KHDRBS2: variants seen among roughly 807,000 people sequenced by gnomAD.
The protein encoded by KHDRBS2 is KH domain-containing, RNA-binding, signal transduction-associated protein 2.
Under a neutral mutation model 44.3 loss-of-function variants are expected in KHDRBS2, and 26 were observed. That is an observed-to-expected ratio of 0.59 (90% CI 0.43 to 0.81). KHDRBS2 has a LOEUF of 0.81. KHDRBS2 is among the 40% of genes least tolerant of loss of function. The pLI, the probability that KHDRBS2 is intolerant of heterozygous loss-of-function variation, is 0.00. For missense variants in KHDRBS2, 476 were observed against 433.1 expected, an observed-to-expected ratio of 1.10 and a Z score of -0.88; for synonymous variants, 194 against 151.1, an observed-to-expected ratio of 1.28 and a Z score of -2.08.
chr6:61,709,549 T>C (rs1244248453), intron 7 of KHDRBS2, among the ~76,000 whole-genome samples: 1 of 151,756 alleles, frequency 6.6e-6, no homozygotes, highest in Admixed American at 6.6e-5. Flanking sequence ...TCTCCCTTTA[T>C]AAACACTCTT....
intron 2 of KHDRBS2, among the ~76,000 whole-genome samples, chr6:62,137,202 C>A (rs563322264): frequency 6.6e-6 from 1 of 151,888 alleles, no homozygotes; most frequent in East Asian, 1.9e-4. Flanking sequence ...GGGGTTTCAC[C>A]GTGTTAGCCA....
intron 6 of KHDRBS2, among the ~76,000 whole-genome samples, chr6:61,796,424 T>G (rs1318341356): frequency 6.6e-6 from 1 of 152,004 alleles, no homozygotes; most frequent in Non-Finnish European, 1.5e-5. Flanking sequence ...TATTCAAAAA[T>G]ATTAACAGAA....
chr6:61,968,139 TG>T (rs1770539309), intron 4 of KHDRBS2, among the ~76,000 whole-genome samples: 1 of 151,854 alleles, frequency 6.6e-6, no homozygotes, highest in Admixed American at 6.6e-5. Flanking sequence ...GAATAACCAA[TG>T]ATATATACAC....
chr6:61,882,983 G>A (rs1800411678), intron 6 of KHDRBS2, among the ~76,000 whole-genome samples: 1 of 151,958 alleles, frequency 6.6e-6, no homozygotes, highest in African/African-American at 2.4e-5. Flanking sequence ...GATATGATTT[G>A]TAACCCAATA....
the KHDRBS2 span, among the ~76,000 whole-genome samples, chr6:61,642,279 T>C: frequency 6.6e-6 from 1 of 152,154 alleles, no homozygotes; most frequent in Non-Finnish European, 1.5e-5. Context: ...CCTATTACCT[T>C]TGTCTTATAC....
At chr6:62,096,477 C>T (rs1322023221) in intron 2 of KHDRBS2, among the ~76,000 whole-genome samples, 1 of 151,808 alleles carries the variant, frequency 6.6e-6, no homozygotes, top group Admixed American at 6.6e-5. Context: ...GGAACTTATG[C>T]ATTTCTTCTA....
intron 8 of KHDRBS2, among the ~76,000 whole-genome samples, chr6:61,690,227 G>C (rs1406940106): frequency 6.6e-6 from 1 of 151,580 alleles, no homozygotes; most frequent in Non-Finnish European, 1.5e-5. Flanking sequence ...CTTCCAAGTG[G>C]GCAAAATTTT....
At chr6:61,795,402 A>G (rs552110864) in intron 6 of KHDRBS2, among the ~76,000 whole-genome samples, 3 of 152,078 alleles carry the variant, frequency 2.0e-5, no homozygotes, top group Admixed American at 6.6e-5. Flanking sequence ...GCTGTAAAAC[A>G]TTTCTCAGCC....
chr6:61,772,095 G>A (rs1362540161), intron 6 of KHDRBS2, among the ~76,000 whole-genome samples: 4 of 152,162 alleles, frequency 2.6e-5, no homozygotes, highest in Non-Finnish European at 5.9e-5. Flanking sequence ...TGAAATGAAG[G>A]CAGACATAAA....
chr6:62,216,411 G>T (rs754788466), intron 1 of KHDRBS2, among the ~76,000 whole-genome samples: 5 of 151,788 alleles, frequency 3.3e-5, no homozygotes, highest in Admixed American at 1.3e-4. Flanking sequence ...TAATATGTTT[G>T]TTTTAAACAT....
intron 6 of KHDRBS2, among the ~76,000 whole-genome samples, chr6:61,737,642 G>T (rs138238477): frequency 3.7e-4 from 56 of 152,136 alleles, no homozygotes; most frequent in African/African-American, 1.3e-3. Context: ...GATTTCTGAA[G>T]AAGTGAGAAA....
intron 2 of KHDRBS2, among the ~76,000 whole-genome samples, chr6:62,068,815 GATTT>G (rs1022992222): frequency 6.6e-6 from 1 of 151,518 alleles, no homozygotes; most frequent in African/African-American, 2.4e-5. Flanking sequence ...CAGATTTATG[GATTT>G]ATTTCTGGAA....
At chr6:61,983,240 T>TTTC (rs1774324674) in intron 3 of KHDRBS2, among the ~76,000 whole-genome samples, 8 of 33,250 alleles carry the variant, frequency 2.4e-4, no homozygotes, top group Non-Finnish European at 5.3e-4. Context: ...TTCTTTCTTT[T>TTTC]TTTTTTTTTT....
chr6:62,114,518 G>T (rs1396130600), intron 2 of KHDRBS2, among the ~76,000 whole-genome samples: 1 of 151,836 alleles, frequency 6.6e-6, no homozygotes, highest in Non-Finnish European at 1.5e-5. Context: ...GAATAAAACA[G>T]GTAAAATTAT....
chr6:61,955,322 G>T (rs1212707354), intron 4 of KHDRBS2, among the ~76,000 whole-genome samples: 1 of 138,204 alleles, frequency 7.2e-6, no homozygotes, highest in Non-Finnish European at 1.6e-5. Context: ...ATACATATAC[G>T]TGTATATATA....
intron 2 of KHDRBS2, among the ~76,000 whole-genome samples, chr6:62,071,826 T>A (rs1173803775): frequency 6.6e-6 from 1 of 152,206 alleles, no homozygotes; most frequent in Non-Finnish European, 1.5e-5. Flanking sequence ...CAATGCGGGC[T>A]CTTTTTTTGT....
intron 2 of KHDRBS2, among the ~76,000 whole-genome samples, chr6:62,149,062 A>C (rs1814538388): frequency 6.6e-6 from 1 of 152,052 alleles, no homozygotes; most frequent in South Asian, 2.1e-4. Flanking sequence ...CTTTGAAAAA[A>C]GAAAGGACCA....
At position 62,105,646 on chromosome 6, in the gene KHDRBS2, T is replaced by C. The variant is rs1348312699; in HGVS notation, c.220-57652A>G. ...ATATCCCCTTTATCATTTTTTATTG[T>C]GTCTATTTGATTCTTCTCTCTTTTC... is the stretch of plus-strand genomic sequence containing the variant. On this transcript the variant is annotated intron_variant, in intron 2 of 8. Coordinates refer to ENST00000281156, the MANE Select transcript of KHDRBS2 (RefSeq NM_152688.4). 1.4e-4 allele frequency among the ~76,000 whole-genome samples: 22 copies of C among 152,266 alleles called. No homozygotes were observed. In the South Asian group the frequency reaches 4.3e-3, roughly 30 times the overall value.
At chr6:62,036,399 G>A (rs1437553775) in intron 3 of KHDRBS2, among the ~76,000 whole-genome samples, 1 of 151,902 alleles carries the variant, frequency 6.6e-6, no homozygotes, top group African/African-American at 2.4e-5. Context: ...TGAGGGTGGA[G>A]GGTTGGAGGA....
Sources: allele counts gnomAD v4.1 joint callset (sites outside exome capture counted in the v4.1 genomes callset), GRCh38; gene constraint gnomAD v4.1.1; transcripts MANE v1.5; gene names NCBI Gene and HGNC (gene_info 2026-07-23, HGNC 2026-07-21).